NR5A2: variants seen among roughly 807,000 people sequenced by gnomAD.
NR5A2 encodes nuclear receptor subfamily 5 group A member 2.
Under a neutral mutation model 62.7 loss-of-function variants are expected in NR5A2, and 26 were observed. That is an observed-to-expected ratio of 0.41 (90% confidence interval 0.30 to 0.58). The LOEUF (loss-of-function observed/expected upper bound fraction) is 0.58. NR5A2 is among the 20% of genes least tolerant of loss of function. NR5A2 has a pLI of 0.22. For synonymous variants in NR5A2, 246 were observed against 241.7 expected, an observed-to-expected ratio of 1.02 and a Z score of -0.16; for missense variants, 541 against 669.1, an observed-to-expected ratio of 0.81 and a Z score of 2.11.
At position 200,042,090 on chromosome 1, in the gene NR5A2, C is replaced by A. The variant is rs564808564; in HGVS notation, c.203-1684C>A. ...TTCCCAAACCCCCAGGTTCCTAAAA[C>A]CCTAGTGGGGGTCTCTTGGGGCTGG... On this transcript the variant is annotated intron_variant, in intron 2 of 7. Coordinates refer to ENST00000367362, the MANE Select transcript of NR5A2 (RefSeq NM_205860.3). Among the ~76,000 whole-genome samples the A allele has an allele frequency of 2.8e-4, 42 of 152,302 alleles. 1 individual carries two copies. The South Asian group carries it at 8.1e-3, about 29-fold the overall frequency.
At chr1:200,122,683 T>C (rs1237046447) in intron 7 of NR5A2, among the ~76,000 whole-genome samples, 5 of 152,188 alleles carry the variant, frequency 3.3e-5, no homozygotes, top group Non-Finnish European at 7.3e-5. Flanking sequence ...CACTCTGATG[T>C]TTAATGAGCA....
chr1:200,062,721 C>G (rs1663283369), intron 5 of NR5A2, among the ~76,000 whole-genome samples: 1 of 152,172 alleles, frequency 6.6e-6, no homozygotes, highest in East Asian at 1.9e-4. Context: ...TGAAAGCCAT[C>G]TCTCATGGTA....
chr1:200,087,687 G>A (rs1034769757), intron 5 of NR5A2, among the ~76,000 whole-genome samples: 13 of 151,922 alleles, frequency 8.6e-5, no homozygotes, highest in African/African-American at 1.7e-4. Flanking sequence ...GAGCCACCGC[G>A]CCCGGCTTTA....
chr1:200,111,082 G>A (rs1665918624), intron 5 of NR5A2, 120 bp from the exon 6 acceptor site: 10 of 1,129,788 alleles, frequency 8.9e-6, no homozygotes, highest in Non-Finnish European at 1.1e-5. Flanking sequence ...GACCATGGGT[G>A]GAGACTTTCT....
In NR5A2 at chr1:200,174,242, C is replaced by G; in HGVS notation, c.*32C>G. On this transcript the variant is annotated 3_prime_UTR_variant, in exon 8 of 8. Coordinates refer to ENST00000367362, the MANE Select transcript of NR5A2 (RefSeq NM_205860.3). ...ACCCCTAGGAGCTCTGCTTTCAAAA[C>G]AAAAAGAGATTGGGGGAGTGGGGAG... The G allele has an allele frequency of 6.9e-7, 1 of 1,458,406 alleles. No homozygotes were observed. The highest frequency in any genetic ancestry group is 9.1e-7 in the Non-Finnish European group (1 of 1,100,254). 90.3% of individuals were successfully genotyped at this position (1,458,406 alleles called of 1,614,324 possible). A position where few individuals can be genotyped will look rare whatever the true frequency, so the allele number is the denominator to read the frequency against.
intron 1 of NR5A2, among the ~76,000 whole-genome samples, chr1:200,032,117 C>T (rs1312886434): frequency 6.6e-6 from 1 of 152,216 alleles, no homozygotes; most frequent in Non-Finnish European, 1.5e-5. Flanking sequence ...CAACTTCACT[C>T]CGCAGCTCTA....
intron 1 of NR5A2, among the ~76,000 whole-genome samples, chr1:200,035,809 A>G (rs2102138229): frequency 6.6e-6 from 1 of 152,244 alleles, no homozygotes; most frequent in African/African-American, 2.4e-5. Flanking sequence ...CTCGTCGGAA[A>G]GAAGGAGGTG....
intron 1 of NR5A2, among the ~76,000 whole-genome samples, chr1:200,038,207 G>T (rs987503754): frequency 6.6e-6 from 1 of 152,174 alleles, no homozygotes; most frequent in Admixed American, 6.5e-5. Flanking sequence ...GCTGGGCCTC[G>T]GCCTCAAGTG....
rs1654416696 is a variant in NR5A2, at chr1:200,176,315, A to T, written c.*2105A>T. On this transcript the variant is annotated 3_prime_UTR_variant, in exon 8 of 8. Transcript: ENST00000367362. Reference sequence around the variant, plus strand: ...GAGGATTATTTTATTATGTTTATTAATCACCTCTAATACTCATCCACATGA... The same window carrying T: ...GAGGATTATTTTATTATGTTTATTATTCACCTCTAATACTCATCCACATGA... The T allele has an allele frequency of 6.6e-6, 1 of 152,616 alleles. No individual in the cohort carries two copies. Among genetic ancestry groups the T allele is most frequent in the African/African-American group, 2.4e-5 (1 of 41,442 alleles). The allele number at this position is 152,616 out of a possible 1,614,324, so 9.5% of individuals were successfully genotyped here.
At chr1:200,038,728 T>G in intron 1 of NR5A2, 1 of 1,365,928 alleles carries the variant, frequency 7.3e-7, no homozygotes, top group Non-Finnish European at 9.8e-7. Context: ...TCTGGCTGCT[T>G]CTCCTTCGCC....
At chr1:200,043,083 G>A in intron 2 of NR5A2, 1 of 810,356 alleles carries the variant, frequency 1.2e-6, no homozygotes, top group Non-Finnish European at 1.5e-6. Context: ...TCCCCGTACG[G>A]GCGTCCTCTA....
At chr1:200,040,712 C>T (rs1189385919) in intron 2 of NR5A2, among the ~76,000 whole-genome samples, 1 of 152,208 alleles carries the variant, frequency 6.6e-6, no homozygotes, top group East Asian at 1.9e-4. Flanking sequence ...CGGAACGCTT[C>T]CTGCCATCCC....
intron 7 of NR5A2, among the ~76,000 whole-genome samples, chr1:200,132,252 T>G (rs1007185599): frequency 6.6e-6 from 1 of 152,124 alleles, no homozygotes; most frequent in Non-Finnish European, 1.5e-5. Context: ...TCAAGTGATC[T>G]GCCCACCTTG....
intron 5 of NR5A2, among the ~76,000 whole-genome samples, chr1:200,079,964 A>G (rs1220370837): frequency 6.6e-6 from 1 of 152,348 alleles, no homozygotes; most frequent in African/African-American, 2.4e-5. Flanking sequence ...TTGGGTTTCA[A>G]AAAGTTGCTT....
At chr1:200,034,501 T>G (rs1345893683) in intron 1 of NR5A2, among the ~76,000 whole-genome samples, 3 of 150,136 alleles carry the variant, frequency 2.0e-5, no homozygotes. Flanking sequence ...GGTTCTTCAG[T>G]GAACTCTTTT....
At chr1:200,042,945 CT>C (rs766132046) in intron 2 of NR5A2, 346 of 985,458 alleles carry the variant, frequency 3.5e-4, no homozygotes, top group Non-Finnish European at 4.0e-4. Context: ...TTCTGTTTAA[CT>C]TTAATAGGGC....
intron 1 of NR5A2, among the ~76,000 whole-genome samples, chr1:200,028,631 AG>A (rs1661436441): frequency 6.6e-6 from 1 of 152,236 alleles, no homozygotes; most frequent in South Asian, 2.1e-4. Flanking sequence ...AAAGGACTGA[AG>A]GGAAGTGATT....
chr1:200,032,563 A>T (rs529609691), intron 1 of NR5A2, among the ~76,000 whole-genome samples: 2 of 152,342 alleles, frequency 1.3e-5, no homozygotes, highest in East Asian at 3.9e-4. Flanking sequence ...TAGCAAGCAC[A>T]TCCCACTGGA....
intron 5 of NR5A2, among the ~76,000 whole-genome samples, chr1:200,102,587 G>A (rs1369252885): frequency 6.6e-6 from 1 of 152,172 alleles, no homozygotes; most frequent in Admixed American, 6.6e-5. Context: ...AAGGATGTCA[G>A]CAGAATGACA....
Sources: allele counts gnomAD v4.1 joint callset (sites outside exome capture counted in the v4.1 genomes callset), GRCh38; gene constraint gnomAD v4.1.1; transcripts MANE v1.5; gene names NCBI Gene and HGNC (gene_info 2026-07-23, HGNC 2026-07-21).